Variants in GRM5 observed in about 807,000 individuals in gnomAD.
GRM5 encodes the protein glutamate metabotropic receptor 5.
Under a neutral mutation model 83.1 loss-of-function variants are expected in GRM5, and 19 were observed. That is an observed-to-expected ratio of 0.23 (90% confidence interval 0.16 to 0.34). The LOEUF (loss-of-function observed/expected upper bound fraction) is 0.34. Among genes scored for constraint, GRM5 ranks in the 10% least tolerant of loss-of-function variants. GRM5 has a pLI of 1.00. For synonymous variants in GRM5, 675 were observed against 633.6 expected (o/e 1.07, Z -0.98); for missense variants, 1,160 against 1,588.3 (o/e 0.73, Z 4.58).
chr11:88,748,353 G>A (rs1392600701), intron 3 of GRM5, among the ~76,000 whole-genome samples: 2 of 152,086 alleles, frequency 1.3e-5, no homozygotes, highest in African/African-American at 4.8e-5. Flanking sequence ...GTATTGTTCT[G>A]CAGGCCCTAC....
At chr11:88,819,266 C>G (rs978381004) in intron 3 of GRM5, among the ~76,000 whole-genome samples, 1 of 152,178 alleles carries the variant, frequency 6.6e-6, no homozygotes, top group Non-Finnish European at 1.5e-5. Flanking sequence ...TCCTCTGAAG[C>G]AGAGAAAATG....
rs142204923 is a variant in GRM5, at chr11:88,732,280, C to A, written c.912-78877G>T. On this transcript the variant is annotated intron_variant, in intron 3 of 9. Transcript: ENST00000305447. ...TCCAGTGGCTAGCCCATGGACATAT[C>A]AATTAATGTTTTTCGAATGAATGAA... 5.9e-5 allele frequency among the ~76,000 whole-genome samples: 9 copies of A among 152,174 alleles called. No homozygotes were observed. In the East Asian group the frequency reaches 1.5e-3, roughly 26 times the overall value.
chr11:88,668,348 G>A (rs1482997038), intron 3 of GRM5, among the ~76,000 whole-genome samples: 1 of 132,968 alleles, frequency 7.5e-6, no homozygotes. Flanking sequence ...CACAGAGTCT[G>A]GCCCACCAAC....
At chr11:88,692,671 T>C (rs1305307771) in intron 3 of GRM5, among the ~76,000 whole-genome samples, 1 of 152,204 alleles carries the variant, frequency 6.6e-6, no homozygotes, top group African/African-American at 2.4e-5. Flanking sequence ...CTGTAAGATA[T>C]GCAACAAGAC....
chr11:88,848,677 A>G (rs1412230901), intron 3 of GRM5, among the ~76,000 whole-genome samples: 10 of 152,212 alleles, frequency 6.6e-5, no homozygotes, highest in Admixed American at 5.2e-4. Context: ...CCTCATTCAC[A>G]CATTCAAAAC....
At chr11:89,002,996 A>AT (rs143535327) in intron 2 of GRM5, among the ~76,000 whole-genome samples, 68,842 of 151,692 alleles carry the variant, frequency 0.45, 17,317 homozygotes, top group South Asian at 0.67. Context: ...CCTTTATAGG[A>AT]TTTTTTTTGT....
chr11:88,712,073 G>A (rs1035784115), intron 3 of GRM5, among the ~76,000 whole-genome samples: 3 of 152,056 alleles, frequency 2.0e-5, no homozygotes, highest in African/African-American at 7.2e-5. Flanking sequence ...AGGTATAGAA[G>A]TAATTACTGG....
At chr11:88,593,998 G>T (rs1278772984) in intron 6 of GRM5, among the ~76,000 whole-genome samples, 1 of 151,914 alleles carries the variant, frequency 6.6e-6, no homozygotes, top group Non-Finnish European at 1.5e-5. Flanking sequence ...GTTTTACCAT[G>T]TTAGCCAGAT....
chr11:88,744,617 C>T (rs922333378), intron 3 of GRM5, among the ~76,000 whole-genome samples: 1 of 152,064 alleles, frequency 6.6e-6, no homozygotes, highest in African/African-American at 2.4e-5. Context: ...TCAAGTCATG[C>T]TTTAGGAAAT....
chr11:88,521,153 C>T (rs6483227), intron 9 of GRM5, among the ~76,000 whole-genome samples: 22,918 of 152,064 alleles, frequency 0.15, 1,955 homozygotes, highest in African/African-American at 0.19. Flanking sequence ...AGTGGTGGCT[C>T]ACGCCTGTAA....
chr11:89,009,978 T>G (rs189005087), intron 2 of GRM5, among the ~76,000 whole-genome samples: 41 of 144,330 alleles, frequency 2.8e-4, no homozygotes, highest in Admixed American at 1.7e-3. Flanking sequence ...ATATTTAAAT[T>G]GAAACATCAA....
At chr11:88,590,504 T>C in intron 7 of GRM5, 97 bp downstream of exon 7, 2 of 916,736 alleles carry the variant, frequency 2.2e-6, no homozygotes, top group Non-Finnish European at 3.4e-6. Flanking sequence ...TAAATAAGAC[T>C]ACCCAAGATG....
chr11:88,779,503 AC>A (rs1290951147), intron 3 of GRM5, among the ~76,000 whole-genome samples: 2 of 151,962 alleles, frequency 1.3e-5, no homozygotes, highest in Admixed American at 6.6e-5. Flanking sequence ...TGTTTAGCAA[AC>A]CCCCAATTAT....
intron 3 of GRM5, among the ~76,000 whole-genome samples, chr11:88,831,159 C>G (rs547290265): frequency 6.6e-6 from 1 of 152,192 alleles, no homozygotes; most frequent in Non-Finnish European, 1.5e-5. Flanking sequence ...CCAGTCACCA[C>G]CAGTCTGTAT....
At chr11:89,064,432 C>T (rs1406543567) in intron 1 of GRM5, among the ~76,000 whole-genome samples, 1 of 152,194 alleles carries the variant, frequency 6.6e-6, no homozygotes, top group Non-Finnish European at 1.5e-5. Flanking sequence ...ATTTTCCTCA[C>T]TCATTTCCAC....
At position 88,630,797 on chromosome 11, in the gene GRM5, C is replaced by T. The variant is rs974110528; in HGVS notation, c.1147+22371G>A. Among the ~76,000 whole-genome samples, 14 of 152,064 alleles carry T rather than the reference C, an allele frequency of 9.2e-5. 1 individual carries two copies. The highest frequency in any genetic ancestry group is 1.9e-4 in the East Asian group (1 of 5,184). On this transcript the variant is annotated intron_variant, in intron 4 of 9. Coordinates refer to ENST00000305447, the MANE Select transcript of GRM5 (RefSeq NM_001143831.3). ...TTCTCCATGTTGGTCAGGCTGGTCT[C>T]GAACTCGTGACCTCAGGTGATTTGC...
chr11:88,811,356 G>A (rs1277343661), intron 3 of GRM5, among the ~76,000 whole-genome samples: 2 of 152,036 alleles, frequency 1.3e-5, no homozygotes, highest in African/African-American at 4.8e-5. Context: ...AAGGAAACAA[G>A]GACTTTGGGA....
At chr11:88,903,708 T>A (rs1261337920) in intron 2 of GRM5, among the ~76,000 whole-genome samples, 3 of 152,154 alleles carry the variant, frequency 2.0e-5, no homozygotes, top group Non-Finnish European at 4.4e-5. Flanking sequence ...TTTGCATGAA[T>A]GTAGAATGTG....
intron 7 of GRM5, among the ~76,000 whole-genome samples, chr11:88,572,372 G>A (rs1215959404): frequency 6.6e-6 from 1 of 152,162 alleles, no homozygotes; most frequent in Non-Finnish European, 1.5e-5. Flanking sequence ...TGTATCAGAA[G>A]CCAAAGGAAA....
Sources: gnomAD v4.1 joint callset for allele counts (sites outside exome capture counted in the v4.1 genomes callset) on GRCh38, gnomAD v4.1.1 for gene constraint, MANE v1.5 for transcripts, NCBI Gene and HGNC (gene_info 2026-07-23, HGNC 2026-07-21) for gene names.